CPNE4: variants seen among roughly 807,000 people sequenced by gnomAD.
CPNE4 encodes copine-4.
Under a neutral mutation model 67.9 loss-of-function variants are expected in CPNE4, and 25 were observed. That is an observed-to-expected ratio of 0.37 (90% CI 0.27 to 0.51). The LOEUF is 0.51. Among genes scored for constraint, CPNE4 ranks in the 20% least tolerant of loss-of-function variants. The pLI, the probability that CPNE4 is intolerant of heterozygous loss-of-function variation, is 0.93. For missense variants in CPNE4, 464 were observed against 690.8 expected, an observed-to-expected ratio of 0.67 and a Z score of 3.68; for synonymous variants, 242 against 244.9, an observed-to-expected ratio of 0.99 and a Z score of 0.11.
At chr3:131,871,187 A>T (rs1331742235) in intron 2 of CPNE4, among the ~76,000 whole-genome samples, 2 of 152,170 alleles carry the variant, frequency 1.3e-5, no homozygotes, top group African/African-American at 4.8e-5. Flanking sequence ...AACATTTATG[A>T]CTATCTCTTC....
chr3:131,781,630 T>C (rs962684582), intron 2 of CPNE4, among the ~76,000 whole-genome samples: 6 of 152,088 alleles, frequency 3.9e-5, no homozygotes, highest in Admixed American at 1.3e-4. Flanking sequence ...AAAACACCCA[T>C]TGGGTGAGGC....
At chr3:131,609,147 G>A (rs1939674642) in intron 7 of CPNE4, among the ~76,000 whole-genome samples, 2 of 152,112 alleles carry the variant, frequency 1.3e-5, no homozygotes, top group African/African-American at 2.4e-5. Flanking sequence ...CTTGATTAAT[G>A]TATATTTACC....
At chr3:131,841,197 T>TA (rs2108018551) in intron 2 of CPNE4, among the ~76,000 whole-genome samples, 1 of 152,324 alleles carries the variant, frequency 6.6e-6, no homozygotes, top group Non-Finnish European at 1.5e-5. Flanking sequence ...TAAAGTCCCA[T>TA]AAGGAAGTGG....
At chr3:131,799,471 A>G (rs1052164189) in intron 2 of CPNE4, among the ~76,000 whole-genome samples, 1 of 152,166 alleles carries the variant, frequency 6.6e-6, no homozygotes, top group African/African-American at 2.4e-5. Flanking sequence ...GCTGGAAAAG[A>G]TAATTATTTT....
intron 7 of CPNE4, among the ~76,000 whole-genome samples, chr3:131,659,091 G>A (rs879630476): frequency 9.2e-5 from 14 of 152,120 alleles, no homozygotes; most frequent in Non-Finnish European, 1.6e-4. Context: ...GTTTCTGTGT[G>A]AACAAAGTAG....
At chr3:131,863,548 A>C (rs1560492155) in intron 2 of CPNE4, among the ~76,000 whole-genome samples, 1 of 151,926 alleles carries the variant, frequency 6.6e-6, no homozygotes, top group African/African-American at 2.4e-5. Context: ...CCACTTTTTG[A>C]TGGGATTGTT....
At chr3:131,831,985 C>G (rs2085389729) in intron 2 of CPNE4, among the ~76,000 whole-genome samples, 2 of 152,070 alleles carry the variant, frequency 1.3e-5, no homozygotes, top group African/African-American at 4.8e-5. Context: ...TGTTAATTCC[C>G]TTCTTGGTCA....
chr3:131,844,060 G>A (rs1415422383), intron 2 of CPNE4, among the ~76,000 whole-genome samples: 1 of 151,996 alleles, frequency 6.6e-6, no homozygotes, highest in African/African-American at 2.4e-5. Context: ...TTAGAAAGAA[G>A]TTTGTCCCTC....
At chr3:131,926,348 C>T (rs1216489404) in intron 1 of CPNE4, among the ~76,000 whole-genome samples, 1 of 151,964 alleles carries the variant, frequency 6.6e-6, no homozygotes, top group Non-Finnish European at 1.5e-5. Flanking sequence ...ATTTGTTGAT[C>T]GAAGCGGAAT....
intron 2 of CPNE4, among the ~76,000 whole-genome samples, chr3:131,731,846 A>T (rs13077409): frequency 6.6e-6 from 1 of 151,902 alleles, no homozygotes; most frequent in Non-Finnish European, 1.5e-5. Context: ...ATCCTGTATA[A>T]TACACACACA....
At chr3:131,895,036 G>T (rs1239351413) in intron 2 of CPNE4, among the ~76,000 whole-genome samples, 2 of 152,018 alleles carry the variant, frequency 1.3e-5, no homozygotes, top group African/African-American at 4.8e-5. Flanking sequence ...GCCATAGAAA[G>T]GAGTGAAATC....
intron 1 of CPNE4, among the ~76,000 whole-genome samples, chr3:131,960,254 A>G (rs2107918378): frequency 6.6e-6 from 1 of 152,248 alleles, no homozygotes; most frequent in South Asian, 2.1e-4. Context: ...TATTTTTATG[A>G]TATGTTTGAT....
intron 7 of CPNE4, among the ~76,000 whole-genome samples, chr3:131,651,957 T>C (rs1158647661): frequency 6.6e-6 from 1 of 152,162 alleles, no homozygotes; most frequent in East Asian, 1.9e-4. Context: ...GGGCTTCAAA[T>C]CCCAACACCG....
intron 1 of CPNE4, among the ~76,000 whole-genome samples, chr3:132,007,636 T>TG (rs2073644594): frequency 1.3e-5 from 2 of 152,206 alleles, no homozygotes; most frequent in African/African-American, 4.8e-5. Context: ...TTTTTTTTTT[T>TG]CATTCAACAG....
At position 131,974,040 on chromosome 3, in the gene CPNE4, G is replaced by A. The variant is rs115745754; in HGVS notation, c.-2+60527C>T. On this transcript the variant is annotated intron_variant, in intron 1 of 15. Transcript: ENST00000429747. ...CGAGAGTCAATAGAGATACCTCCAT[G>A]TAAATTTACAAGGGAAGGGCTGTCA... Among the ~76,000 whole-genome samples the A allele has an allele frequency of 2.3e-3, 354 of 152,244 alleles. 2 individuals are homozygous for A. Among genetic ancestry groups the A allele is most frequent in the African/African-American group, 8.1e-3 (336 of 41,544 alleles).
At chr3:131,740,511 A>G (rs1008971674) in intron 2 of CPNE4, among the ~76,000 whole-genome samples, 1 of 152,144 alleles carries the variant, frequency 6.6e-6, no homozygotes, top group African/African-American at 2.4e-5. Context: ...TCACATTTCC[A>G]TATCCAACCC....
At chr3:131,800,590 C>T (rs917515854) in intron 2 of CPNE4, among the ~76,000 whole-genome samples, 1 of 152,068 alleles carries the variant, frequency 6.6e-6, no homozygotes, top group Non-Finnish European at 1.5e-5. Context: ...GAAGAATAGC[C>T]CTGCATGAGG....
intron 2 of CPNE4, among the ~76,000 whole-genome samples, chr3:131,799,296 G>C (rs755846425): frequency 2.6e-5 from 4 of 152,088 alleles, no homozygotes; most frequent in African/African-American, 4.8e-5. Flanking sequence ...AAGGAACAGA[G>C]CTGTGATACT....
In CPNE4 at chr3:131,549,950, T is replaced by A; in HGVS notation, c.1299A>T (p.Ala433=). The part of the protein sequence containing the change: ...SASEETNTKE[A]SQYFILLILT... ...AGGCAAATAGCCCCCTCCTTACCGATGCCTCCTTGGTGTTAGTTTCCTCTG... is the reference window on the plus strand; with the variant it reads ...AGGCAAATAGCCCCCTCCTTACCGAAGCCTCCTTGGTGTTAGTTTCCTCTG... The change falls in exon 14 of 16, where the codon GCA becomes GCT. Residue 433 remains alanine, a synonymous_variant. Transcript: ENST00000429747. The A allele has an allele frequency of 6.2e-7, 1 of 1,613,004 alleles. No individual in the cohort carries two copies. Among genetic ancestry groups the A allele is most frequent in the Non-Finnish European group, 8.5e-7 (1 of 1,179,294 alleles).
Sources: allele counts gnomAD v4.1 joint callset (sites outside exome capture counted in the v4.1 genomes callset), GRCh38; gene constraint gnomAD v4.1.1; transcripts MANE v1.5; gene names NCBI Gene and HGNC (gene_info 2026-07-23, HGNC 2026-07-21).